The following GNLY variants were observed in gnomAD, a reference collection of about 807,000 sequenced individuals.
GNLY encodes T-cell activation protein 519.
Under a neutral mutation model 18.5 loss-of-function variants are expected in GNLY, and 15 were observed. The observed-to-expected ratio is 0.81, with a 90% CI of 0.54 to 1.25. The LOEUF (loss-of-function observed/expected upper bound fraction) is 1.25. Ranked by LOEUF, GNLY falls within the 50% of genes most tolerant of loss-of-function variation. The pLI, the probability that GNLY is intolerant of heterozygous loss-of-function variation, is 0.00. For synonymous variants in GNLY, 77 were observed against 74.9 expected (o/e 1.03, Z -0.14); for missense variants, 178 against 186.9 (o/e 0.95, Z 0.28).
Position 85,697,656 on chromosome 2 carries a change from A to C in GNLY, c.406A>C (p.Arg136=), listed in dbSNP as rs1334067606. 1.2e-6 allele frequency: 2 copies of C among 1,613,366 alleles called. No individual in the cohort carries two copies. The highest frequency in any genetic ancestry group is 4.5e-5 in the East Asian group (2 of 44,876). The stretch of plus-strand genomic sequence containing the variant: ...TGCCCAGCAGATCTGTGAGGACCTC[A>C]GGTTGTGTATACCTTCTACAGGTGA... ...ETAQQICEDL[R]LCIPSTGPL Residue 136 remains arginine, a synonymous_variant, in exon 4 of 5, where the codon AGG becomes CGG. Coordinates refer to ENST00000263863, the MANE Select transcript of GNLY (RefSeq NM_006433.5).
rs570474556 is a variant in GNLY at position 85,698,311 on chromosome 2, A to C, written c.428-253A>C. Reference sequence around the variant, plus strand: ...GATTGGCTCTGGCAGCTCAGCTGGCACTTGCCAATGCTCTGGGATTTTATG... The same window carrying C: ...GATTGGCTCTGGCAGCTCAGCTGGCCCTTGCCAATGCTCTGGGATTTTATG... On this transcript the variant is annotated intron_variant, in intron 4 of 4. Coordinates refer to ENST00000263863, the MANE Select transcript of GNLY (RefSeq NM_006433.5). 85 of 696,604 alleles carry C rather than the reference A, an allele frequency of 1.2e-4. No homozygotes were observed. The African/African-American group carries it at 1.3e-3, about 11-fold the overall frequency. The allele number at this position is 696,604 out of a possible 1,614,324, so 43.2% of individuals were successfully genotyped here.
intron 1 of GNLY, 181 bp downstream of exon 1, chr2:85,694,651 G>T: frequency 1.8e-6 from 2 of 1,125,270 alleles, no homozygotes; most frequent in Non-Finnish European, 2.5e-6. Context: ...GTGCTGCCCA[G>T]CCTGTCACTG....
At position 85,698,615 on chromosome 2, in the gene GNLY, T is replaced by C. The variant is rs201965432; in HGVS notation, c.*41T>C. On this transcript the variant is annotated 3_prime_UTR_variant, in exon 5 of 5. Coordinates refer to ENST00000263863, the MANE Select transcript of GNLY (RefSeq NM_006433.5). ...CCTGTGGAAGAAGCACAGGCTCCTG[T>C]CCTCAGATCCCGGGAACCTCAGCAA... 1.1e-3 allele frequency: 1,739 copies of C among 1,613,624 alleles called. 26 individuals carry two copies. In the South Asian group the frequency reaches 0.013, roughly 12 times the overall value.
At chr2:85,695,176 C>G in intron 1 of GNLY, 144 bp from the exon 2 acceptor site, 1 of 817,340 alleles carries the variant, frequency 1.2e-6, no homozygotes, top group Non-Finnish European at 2.0e-6. Context: ...CAGGGCAAAG[C>G]ATGTGGACAG....
At chr2:85,698,507 G>T in intron 4 of GNLY, 57 bp from the exon 5 acceptor site, 1 of 1,612,416 alleles carries the variant, frequency 6.2e-7, no homozygotes. Flanking sequence ...CTGAGTGCCT[G>T]CTTCTCCTTG....
intron 2 of GNLY, 125 bp from the exon 3 acceptor site, chr2:85,695,833 C>T (rs1244401641): frequency 1.8e-5 from 12 of 649,394 alleles, no homozygotes; most frequent in South Asian, 3.7e-5. Flanking sequence ...AGTGTATCCA[C>T]GCTCTGGGAA....
intron 4 of GNLY, 178 bp from the exon 5 acceptor site, chr2:85,698,386 T>C: frequency 1.0e-6 from 1 of 966,576 alleles, no homozygotes; most frequent in Non-Finnish European, 1.6e-6. Flanking sequence ...GCTTGTGGCT[T>C]TTCTATTCAA....
intron 3 of GNLY, 98 bp downstream of exon 3, chr2:85,696,154 C>T (rs1678442159): frequency 3.0e-6 from 2 of 668,802 alleles, no homozygotes; most frequent in Admixed American, 2.5e-5. Context: ...GCACCTTGCA[C>T]AGTGATCCTG....
At position 85,697,667 on chromosome 2, in the gene GNLY, A is replaced by G; in HGVS notation, c.417A>G (p.Ile139Met). Reference protein sequence around the residue: ...QQICEDLRLCIPSTGPL With the variant: ...QQICEDLRLCMPSTGPL ...TCTGTGAGGACCTCAGGTTGTGTATACCTTCTACAGGTGAGTGCAGAGGTG... is the reference window on the plus strand; with the variant it reads ...TCTGTGAGGACCTCAGGTTGTGTATGCCTTCTACAGGTGAGTGCAGAGGTG... Residue 139 changes from isoleucine to methionine, a missense_variant, in exon 4 of 5, where the codon ATA becomes ATG. Coordinates refer to ENST00000263863, the MANE Select transcript of GNLY (RefSeq NM_006433.5). 6.2e-7 allele frequency: 1 copy of G among 1,611,922 alleles called. No homozygotes were observed.
At chr2:85,697,292 G>T in intron 3 of GNLY, 2 of 561,862 alleles carry the variant, frequency 3.6e-6, no homozygotes, top group Admixed American at 6.2e-5. Context: ...AACTGTCCTT[G>T]TCTCAGGAGC....
Position 85,694,734 on chromosome 2 carries a change from C to T in GNLY, c.52+264C>T, listed in dbSNP as rs1678371334. On this transcript the variant is annotated intron_variant, in intron 1 of 4. Coordinates refer to ENST00000263863, the MANE Select transcript of GNLY (RefSeq NM_006433.5). ...ACTGGCCACACTGTGTGGCCTGAGA[C>T]CCCCCTTTCCCTCCCAAGCCCCTGC... The T allele has an allele frequency of 9.8e-6, 14 of 1,433,402 alleles. No homozygotes were observed. The Admixed American group carries it at 4.0e-4, about 41-fold the overall frequency. The allele number at this position is 1,433,402 out of a possible 1,614,324, so 88.8% of individuals were successfully genotyped here.
At chr2:85,698,400 C>A (rs762826908) in intron 4 of GNLY, 164 bp from the exon 5 acceptor site, 85 of 1,129,670 alleles carry the variant, frequency 7.5e-5, no homozygotes, top group Admixed American at 1.9e-4. Flanking sequence ...TATTCAAGGC[C>A]CCACAACCTG....
At chr2:85,698,479 C>A (rs747389545) in intron 4 of GNLY, 85 bp from the exon 5 acceptor site, 2 of 1,608,122 alleles carry the variant, frequency 1.2e-6, no homozygotes, top group African/African-American at 2.7e-5. Context: ...GGCTCTGGGA[C>A]CTTAAGCAAG....
At chr2:85,694,771 C>T (rs1450808229) in intron 1 of GNLY, 16 of 1,441,522 alleles carry the variant, frequency 1.1e-5, no homozygotes, top group South Asian at 5.9e-5. Context: ...TCCGCATCTG[C>T]GTGGTGAAGG....
At position 85,698,701 on chromosome 2, in the gene GNLY, TC is replaced by T; in HGVS notation, c.*130del. 6.3e-7 allele frequency: 1 copy of T among 1,592,686 alleles called. No individual in the cohort carries two copies. The highest frequency in any genetic ancestry group is 2.3e-5 in the East Asian group (1 of 44,344). On this transcript the variant is annotated 3_prime_UTR_variant, in exon 5 of 5. Transcript: ENST00000263863. Reference sequence around the variant, plus strand: ...CACTCTCCAGTCTCCCTCCCCTGACTCCCTCTGCTGTCCTCCCCTCTCACGA... The same window carrying T: ...CACTCTCCAGTCTCCCTCCCCTGACTCCTCTGCTGTCCTCCCCTCTCACGA...
In GNLY at chr2:85,698,805, C is replaced by G. The variant is rs76223661; in HGVS notation, c.*231C>G. 0.089 allele frequency: 131,617 copies of G among 1,480,322 alleles called. 6,343 individuals carry two copies. Among genetic ancestry groups the G allele is most frequent in the African/African-American group, 0.17 (12,176 of 71,828 alleles). 91.7% of individuals were successfully genotyped at this position (1,480,322 alleles called of 1,614,324 possible). ...TTGAGGGGTGGGTGTCAGTGGCATG[C>G]TGGGGTGAGCTGTGTAGTCCTTCAA... On this transcript the variant is annotated 3_prime_UTR_variant, in exon 5 of 5. Coordinates refer to ENST00000263863, the MANE Select transcript of GNLY (RefSeq NM_006433.5).
intron 3 of GNLY, 67 bp downstream of exon 3, chr2:85,696,123 C>T (rs772444111): frequency 4.8e-5 from 43 of 889,124 alleles, no homozygotes; most frequent in South Asian, 1.5e-4. Flanking sequence ...GTGACCAGGT[C>T]GGGGATCGGG....
At chr2:85,696,430 CT>C (rs1217330288) in intron 3 of GNLY, 2 of 188,776 alleles carry the variant, frequency 1.1e-5, no homozygotes, top group Admixed American at 1.1e-4. Flanking sequence ...AGATCTGCTA[CT>C]TCCAAGCTGC....
chr2:85,694,425 A>T lies in GNLY; in HGVS notation c.7A>T (p.Thr3Ser), dbSNP rs953572757. Residue 3 changes from threonine (T) to serine (S), a missense_variant, in exon 1 of 5, where the codon ACC (threonine) becomes TCC (serine). By Grantham distance (58) the Thr-to-Ser change is moderately conservative. Coordinates refer to ENST00000263863, the MANE Select transcript of GNLY (RefSeq NM_006433.5). Reference protein sequence around the residue: MATWALLLLAAML... With the variant: MASWALLLLAAML... ...TCTCAGCGGCTGCCCCACCATGGCT[A>T]CCTGGGCCCTCCTGCTCCTTGCAGC... is the stretch of plus-strand genomic sequence containing the variant. 6 of 1,613,962 alleles carry T rather than the reference A, an allele frequency of 3.7e-6. No individual in the cohort carries two copies. Among genetic ancestry groups the T allele is most frequent in the African/African-American group, 1.3e-5 (1 of 74,948 alleles).
Sources: gnomAD v4.1 joint callset for allele counts on GRCh38, gnomAD v4.1.1 for gene constraint, MANE v1.5 for transcripts, NCBI Gene and HGNC (gene_info 2026-07-23, HGNC 2026-07-21) for gene names.